Variants in PLPPR5 observed in about 807,000 individuals in gnomAD.
PLPPR5 encodes the protein phospholipid phosphatase-related protein type 5.
A neutral mutation model predicts 33.9 loss-of-function variants in PLPPR5; 16 were observed. The observed-to-expected ratio is 0.47, with a 90% CI of 0.32 to 0.72. The LOEUF (loss-of-function observed/expected upper bound fraction) is 0.72. PLPPR5 is among the 30% of genes least tolerant of loss of function. PLPPR5 has a pLI of 0.03. For missense variants in PLPPR5, 301 were observed against 406.7 expected (o/e 0.74, Z 2.23); for synonymous variants, 163 against 150.3 (o/e 1.08, Z -0.62).
chr1:98,913,536 G>A (rs1649231508), intron 5 of PLPPR5, among the ~76,000 whole-genome samples: 1 of 152,084 alleles, frequency 6.6e-6, no homozygotes, highest in Non-Finnish European at 1.5e-5. Flanking sequence ...AATTAACCTG[G>A]ATGTACCCTA....
chr1:98,925,331 G>C (rs928336024), intron 3 of PLPPR5, among the ~76,000 whole-genome samples: 2 of 152,116 alleles, frequency 1.3e-5, no homozygotes, highest in Admixed American at 1.3e-4. Context: ...GTCAGTAGAT[G>C]CTCACTATCT....
At chr1:98,961,986 G>C (rs759591002) in intron 1 of PLPPR5, among the ~76,000 whole-genome samples, 9 of 152,084 alleles carry the variant, frequency 5.9e-5, no homozygotes, top group Admixed American at 2.0e-4. Flanking sequence ...ATCTCAACAT[G>C]CTCATATCTA....
intron 1 of PLPPR5, among the ~76,000 whole-genome samples, chr1:98,965,717 A>C (rs189003644): frequency 6.6e-6 from 1 of 152,356 alleles, no homozygotes; most frequent in East Asian, 1.9e-4. Context: ...GATTTTCATC[A>C]AATGTCAAAC....
rs144135720 is a variant in PLPPR5, at chr1:98,921,961, T to C, written c.719A>G (p.Asn240Ser). 8.2e-5 allele frequency: 132 copies of C among 1,613,532 alleles called. No individual in the cohort carries two copies. Among genetic ancestry groups the C allele is most frequent in the Non-Finnish European group, 1.0e-4 (122 of 1,179,960 alleles). Residue 240 changes from asparagine (N) to serine (S), a missense_variant, in exon 4 of 6, where the codon AAC becomes AGC. Coordinates refer to ENST00000263177, the MANE Select transcript of PLPPR5 (RefSeq NM_001037317.2). ...LMCLAFLTGL[N>S]RVAEYRNHWS... ...ATGATTTCGATATTCTGCTACTCTGTTGAGTCCAGTAAGAAATGCCAAACA... is the reference window on the plus strand; with the variant it reads ...ATGATTTCGATATTCTGCTACTCTGCTGAGTCCAGTAAGAAATGCCAAACA...
chr1:99,001,994 T>C (rs140863866), intron 1 of PLPPR5, among the ~76,000 whole-genome samples: 1 of 152,142 alleles, frequency 6.6e-6, no homozygotes, highest in Non-Finnish European at 1.5e-5. Context: ...GTAGAAAGTT[T>C]ATTAGAGTAT....
intron 3 of PLPPR5, among the ~76,000 whole-genome samples, chr1:98,934,975 T>C (rs918654450): frequency 1.3e-5 from 2 of 152,108 alleles, no homozygotes; most frequent in Non-Finnish European, 2.9e-5. Flanking sequence ...GGAAGGAAGT[T>C]TACAGAAAAT....
chr1:98,998,233 T>C (rs1652697415), intron 1 of PLPPR5, among the ~76,000 whole-genome samples: 2 of 152,100 alleles, frequency 1.3e-5, no homozygotes, highest in South Asian at 2.1e-4. Flanking sequence ...CCCCCAAATC[T>C]AGTGCCAGGT....
intron 5 of PLPPR5, among the ~76,000 whole-genome samples, chr1:98,905,458 T>G (rs1021391169): frequency 3.3e-5 from 5 of 152,176 alleles, no homozygotes; most frequent in African/African-American, 1.2e-4. Flanking sequence ...CTTGGTAACT[T>G]ATTTTTTAAA....
intron 3 of PLPPR5, among the ~76,000 whole-genome samples, chr1:98,950,144 T>C (rs182410025): frequency 2.6e-5 from 4 of 152,310 alleles, no homozygotes; most frequent in African/African-American, 7.2e-5. Context: ...CCAGAAAAAT[T>C]TGTGGTTCTA....
chr1:98,927,744 G>C (rs761170157), intron 3 of PLPPR5, among the ~76,000 whole-genome samples: 8 of 152,018 alleles, frequency 5.3e-5, no homozygotes, highest in Non-Finnish European at 1.2e-4. Flanking sequence ...CTGACGTAAG[G>C]GTGCTCACCT....
intron 3 of PLPPR5, among the ~76,000 whole-genome samples, chr1:98,924,201 A>G (rs1415700303): frequency 1.3e-5 from 2 of 152,186 alleles, no homozygotes; most frequent in African/African-American, 2.4e-5. Flanking sequence ...TACTTATTCA[A>G]TCTTCAAAAC....
intron 2 of PLPPR5, among the ~76,000 whole-genome samples, chr1:98,954,023 T>A (rs116530812): frequency 2.5e-3 from 383 of 152,274 alleles, no homozygotes; most frequent in African/African-American, 8.9e-3. Flanking sequence ...ATCAAAATTA[T>A]AGGTTATTAA....
intron 5 of PLPPR5, among the ~76,000 whole-genome samples, chr1:98,901,112 G>T (rs187903615): frequency 2.0e-5 from 3 of 152,116 alleles, no homozygotes; most frequent in East Asian, 3.9e-4. Context: ...TAAACAAACT[G>T]TGGTGCATCC....
chr1:98,952,116 A>G (rs989458492), intron 3 of PLPPR5, among the ~76,000 whole-genome samples: 1 of 152,122 alleles, frequency 6.6e-6, no homozygotes, highest in African/African-American at 2.4e-5. Flanking sequence ...TACAAAAATC[A>G]GTCGGGTGTG....
chr1:98,894,771 C>T (rs1329066118), intron 5 of PLPPR5, among the ~76,000 whole-genome samples: 2 of 151,972 alleles, frequency 1.3e-5, no homozygotes, highest in Non-Finnish European at 2.9e-5. Context: ...TGAAGATGAT[C>T]TTAAGAGGAC....
intron 1 of PLPPR5, among the ~76,000 whole-genome samples, chr1:98,987,404 C>A (rs1206393411): frequency 2.6e-5 from 4 of 151,776 alleles, no homozygotes; most frequent in African/African-American, 9.7e-5. Context: ...AAAATCTGAT[C>A]TGTTATTAGT....
At chr1:98,976,237 A>G (rs557638795) in intron 1 of PLPPR5, among the ~76,000 whole-genome samples, 6 of 151,972 alleles carry the variant, frequency 3.9e-5, no homozygotes, top group Middle Eastern at 3.2e-3. Flanking sequence ...TTTTCCTCTC[A>G]CAGTGAGATA....
intron 1 of PLPPR5, among the ~76,000 whole-genome samples, chr1:98,984,482 G>A (rs1438353718): frequency 6.6e-6 from 1 of 151,984 alleles, no homozygotes; most frequent in African/African-American, 2.4e-5. Flanking sequence ...AATTAAAGTG[G>A]CCATTATGTA....
At chr1:98,926,974 TG>T (rs1649791659) in intron 3 of PLPPR5, among the ~76,000 whole-genome samples, 1 of 152,186 alleles carries the variant, frequency 6.6e-6, no homozygotes, top group South Asian at 2.1e-4. Context: ...AGGTGTCTGA[TG>T]GGGTGTGTAA....
Sources: gnomAD v4.1 joint callset for allele counts (sites outside exome capture counted in the v4.1 genomes callset) on GRCh38, gnomAD v4.1.1 for gene constraint, MANE v1.5 for transcripts, NCBI Gene and HGNC (gene_info 2026-07-23, HGNC 2026-07-21) for gene names.